KLHL29: variants seen among roughly 807,000 people sequenced by gnomAD.
KLHL29 encodes the protein kelch like family member 29.
A neutral mutation model predicts 80.4 loss-of-function variants in KLHL29; 21 were observed. The observed-to-expected ratio is 0.26, with a 90% CI of 0.19 to 0.38. The LOEUF is 0.38. Ranked by LOEUF, KLHL29 falls within the 10% of genes least tolerant of loss-of-function variation. The pLI is 1.00. For missense variants in KLHL29, 867 were observed against 1,223.9 expected (o/e 0.71, Z 4.35); for synonymous variants, 511 against 526.8 (o/e 0.97, Z 0.41).
chr2:23,546,853 C>T (rs1666991152), intron 2 of KLHL29, among the ~76,000 whole-genome samples: 1 of 152,316 alleles, frequency 6.6e-6, no homozygotes, highest in East Asian at 1.9e-4. Flanking sequence ...CTGGAACATG[C>T]AGTGGAGAGC....
chr2:23,476,822 C>T (rs537292703), intron 2 of KLHL29, among the ~76,000 whole-genome samples: 2 of 152,254 alleles, frequency 1.3e-5, no homozygotes, highest in Non-Finnish European at 2.9e-5. Flanking sequence ...TGCCGGGGAA[C>T]CTGGCCTGCC....
At chr2:23,483,157 T>A (rs1000120032) in intron 2 of KLHL29, among the ~76,000 whole-genome samples, 2 of 152,126 alleles carry the variant, frequency 1.3e-5, no homozygotes, top group African/African-American at 4.8e-5. Context: ...AGTGACCATA[T>A]GAGATAAAAA....
chr2:23,589,374 A>C (rs776423445), intron 3 of KLHL29, among the ~76,000 whole-genome samples: 2 of 152,248 alleles, frequency 1.3e-5, no homozygotes, highest in Non-Finnish European at 2.9e-5. Context: ...TGGTCTATTA[A>C]TAGGGCGGCC....
chr2:23,511,942 C>T (rs990759093), intron 2 of KLHL29, among the ~76,000 whole-genome samples: 1 of 151,992 alleles, frequency 6.6e-6, no homozygotes, highest in Non-Finnish European at 1.5e-5. Flanking sequence ...ACCTGTCTTC[C>T]GATACACATA....
At chr2:23,558,002 G>A (rs1426221067) in intron 2 of KLHL29, among the ~76,000 whole-genome samples, 2 of 152,146 alleles carry the variant, frequency 1.3e-5, no homozygotes, top group African/African-American at 2.4e-5. Flanking sequence ...GGAACATGTG[G>A]CCTCCAAGGT....
intron 3 of KLHL29, among the ~76,000 whole-genome samples, chr2:23,611,806 TC>T (rs1668877098): frequency 6.6e-6 from 1 of 151,692 alleles, no homozygotes; most frequent in South Asian, 2.1e-4. Flanking sequence ...AAACTATATA[TC>T]TTTTTAAAAA....
chr2:23,527,128 A>T (rs1666350881), intron 2 of KLHL29, among the ~76,000 whole-genome samples: 1 of 152,120 alleles, frequency 6.6e-6, no homozygotes. Flanking sequence ...CCATTCTGAA[A>T]CCAGGCTCCT....
intron 1 of KLHL29, among the ~76,000 whole-genome samples, chr2:23,428,339 A>T (rs1262464802): frequency 1.3e-5 from 2 of 152,152 alleles, no homozygotes; most frequent in African/African-American, 2.4e-5. Context: ...TCCCCCAGTG[A>T]TGTTGCGAGG....
At chr2:23,591,872 G>A (rs750506709) in intron 3 of KLHL29, among the ~76,000 whole-genome samples, 10 of 152,286 alleles carry the variant, frequency 6.6e-5, no homozygotes, top group African/African-American at 1.4e-4. Flanking sequence ...CATGCTGCTC[G>A]TTTCAGCTTC....
intron 1 of KLHL29, among the ~76,000 whole-genome samples, chr2:23,451,923 T>C (rs1299330347): frequency 6.6e-6 from 1 of 152,108 alleles, no homozygotes; most frequent in Non-Finnish European, 1.5e-5. Context: ...TGGAGAGGCC[T>C]CAGGATGCTT....
intron 5 of KLHL29, among the ~76,000 whole-genome samples, chr2:23,665,428 G>T (rs1670527127): frequency 6.6e-6 from 1 of 152,164 alleles, no homozygotes; most frequent in South Asian, 2.1e-4. Context: ...TGGCCTGAAG[G>T]GTTTGACACC....
intron 1 of KLHL29, among the ~76,000 whole-genome samples, chr2:23,418,939 G>C (rs909753164): frequency 6.6e-6 from 1 of 152,132 alleles, no homozygotes; most frequent in Admixed American, 6.5e-5. Flanking sequence ...CAAGGTGCCA[G>C]ATGGCACTTT....
intron 2 of KLHL29, among the ~76,000 whole-genome samples, chr2:23,486,748 C>T (rs62125387): frequency 6.6e-6 from 1 of 152,302 alleles, no homozygotes; most frequent in East Asian, 1.9e-4. Context: ...TGGAGGGCAG[C>T]TCCCTGCTCA....
chr2:23,526,323 G>A (rs772208929), intron 2 of KLHL29, among the ~76,000 whole-genome samples: 7 of 152,230 alleles, frequency 4.6e-5, no homozygotes, highest in African/African-American at 1.7e-4. Flanking sequence ...CAGGGCATGC[G>A]GGAGGGGTGG....
chr2:23,608,216 G>C (rs1391426321), intron 3 of KLHL29, among the ~76,000 whole-genome samples: 1 of 152,242 alleles, frequency 6.6e-6, no homozygotes, highest in Non-Finnish European at 1.5e-5. Flanking sequence ...ATACAGAAGA[G>C]AGTAAAACTT....
At chr2:23,585,471 G>A (rs539993505) in intron 3 of KLHL29, among the ~76,000 whole-genome samples, 3 of 152,250 alleles carry the variant, frequency 2.0e-5, no homozygotes, top group South Asian at 4.2e-4. Context: ...ATGGACTGCC[G>A]GCTGCATGAA....
intron 2 of KLHL29, among the ~76,000 whole-genome samples, chr2:23,517,021 AG>A (rs1428336949): frequency 6.6e-6 from 1 of 152,190 alleles, no homozygotes; most frequent in African/African-American, 2.4e-5. Flanking sequence ...TTCCTGTCAC[AG>A]GGAAAGTGCA....
At chr2:23,431,160 A>G (rs1663165056) in intron 1 of KLHL29, among the ~76,000 whole-genome samples, 1 of 152,150 alleles carries the variant, frequency 6.6e-6, no homozygotes, top group Admixed American at 6.5e-5. Context: ...CATTCCAGAC[A>G]TTTCAGAGGT....
At chr2:23,563,303 A>G (rs1200867296) in intron 3 of KLHL29, among the ~76,000 whole-genome samples, 1 of 152,216 alleles carries the variant, frequency 6.6e-6, no homozygotes, top group East Asian at 1.9e-4. Context: ...CCCCTCAGGC[A>G]GCCTGAGTCC....
Sources: allele counts gnomAD v4.1 joint callset (sites outside exome capture counted in the v4.1 genomes callset), GRCh38; gene constraint gnomAD v4.1.1; transcripts MANE v1.5; gene names NCBI Gene and HGNC (gene_info 2026-07-23, HGNC 2026-07-21).